TRRAP: variants seen among roughly 807,000 people sequenced by gnomAD.
The protein encoded by TRRAP is transformation/transcription domain-associated protein.
A neutral mutation model predicts 438.8 loss-of-function variants in TRRAP; 41 were observed. The observed-to-expected ratio is 0.09, with a 90% CI of 0.07 to 0.12. The LOEUF (loss-of-function observed/expected upper bound fraction) is 0.12, where lower values mean the gene tolerates loss of function less well. Ranked by LOEUF, TRRAP falls within the 10% of genes least tolerant of loss-of-function variation. The probability of loss-of-function intolerance (pLI) is 1.00; values close to 1 mark genes in which losing one functional copy is unlikely to be tolerated. For missense variants in TRRAP, 3,122 were observed against 5,055.1 expected, an observed-to-expected ratio of 0.62 and a Z score of 11.60; for synonymous variants, 1,994 against 1,962.9, an observed-to-expected ratio of 1.02 and a Z score of -0.42.
chr7:98,905,525 G>A (rs1796687978), intron 12 of TRRAP, among the ~76,000 whole-genome samples: 1 of 152,166 alleles, frequency 6.6e-6, no homozygotes, highest in African/African-American at 2.4e-5. Context: ...AGCCTGAATT[G>A]TCCCTGAGTG....
At chr7:98,881,903 A>G in intron 2 of TRRAP, 72 bp from the exon 3 acceptor site, 15 of 1,532,724 alleles carry the variant, frequency 9.8e-6, no homozygotes, top group Non-Finnish European at 1.2e-5. Flanking sequence ...AAATTACTAA[A>G]TCCAAGTTTT....
intron 20 of TRRAP, among the ~76,000 whole-genome samples, chr7:98,920,525 T>C (rs1364794042): frequency 1.3e-5 from 2 of 152,090 alleles, no homozygotes; most frequent in Non-Finnish European, 2.9e-5. Flanking sequence ...TAGTAATTTT[T>C]AGGACCTCTG....
At chr7:98,991,995 G>A in intron 64 of TRRAP, 142 bp from the exon 65 acceptor site, 2 of 852,656 alleles carry the variant, frequency 2.3e-6, no homozygotes, top group Non-Finnish European at 3.9e-6. Flanking sequence ...CGTCAGATCA[G>A]TGCTGCAGTA....
chr7:98,884,410 T>C (rs1795596886), intron 3 of TRRAP, among the ~76,000 whole-genome samples: 1 of 151,994 alleles, frequency 6.6e-6, no homozygotes, highest in South Asian at 2.1e-4. Context: ...AATTTTTGTA[T>C]TTTTAGTAGA....
intron 67 of TRRAP, among the ~76,000 whole-genome samples, chr7:98,997,700 A>C (rs1793735151): frequency 6.6e-6 from 1 of 152,176 alleles, no homozygotes; most frequent in Non-Finnish European, 1.5e-5. Flanking sequence ...TGTTGCTGGA[A>C]TTAATATTAA....
intron 67 of TRRAP, among the ~76,000 whole-genome samples, chr7:98,998,309 A>G (rs778255400): frequency 3.3e-5 from 5 of 152,214 alleles, no homozygotes; most frequent in Non-Finnish European, 7.3e-5. Context: ...AATATTCTGT[A>G]GCTTCATTTT....
intron 58 of TRRAP, among the ~76,000 whole-genome samples, 166 bp from the exon 59 acceptor site, chr7:98,981,601 CTG>C (rs149232008): frequency 2.0e-4 from 30 of 152,324 alleles, no homozygotes; most frequent in Non-Finnish European, 4.0e-4. Flanking sequence ...CCAGAAAAGA[CTG>C]TGTAAACGCA....
At chr7:98,937,580 G>A in intron 29 of TRRAP, 70 bp from the exon 30 acceptor site, 2 of 1,451,884 alleles carry the variant, frequency 1.4e-6, no homozygotes, top group Non-Finnish European at 1.8e-6. Flanking sequence ...TAAGGTTGAA[G>A]ATGAGTTCTG....
rs1268861363 is a variant in TRRAP, at chr7:98,948,795, T to G, written c.4788+110T>G. The G allele has an allele frequency of 1.3e-6, 2 of 1,537,272 alleles. No individual in the cohort carries two copies. The highest frequency in any genetic ancestry group is 2.7e-5 in the African/African-American group (2 of 73,020). On this transcript the variant is annotated intron_variant, in intron 35 of 72. Coordinates refer to ENST00000456197, the MANE Select transcript of TRRAP (RefSeq NM_001375524.1). This position sits in a 1 kb window ranked among gnomAD's most constrained non-coding sequence, Gnocchi z 4.9. ...CTATTCAGTGTCCTGGCTGCTTTTTTTTCAGATCCATTTGAATATTGGAAA... is the reference window on the plus strand; with the variant it reads ...CTATTCAGTGTCCTGGCTGCTTTTTGTTCAGATCCATTTGAATATTGGAAA...
intron 41 of TRRAP, 52 bp downstream of exon 41, chr7:98,955,356 T>G: frequency 1.3e-6 from 2 of 1,530,584 alleles, no homozygotes; most frequent in Non-Finnish European, 1.8e-6. Flanking sequence ...GGCATTCACT[T>G]TGAACCTTTA....
At chr7:98,978,074 A>G (rs553831935) in intron 56 of TRRAP, 137 bp from the exon 57 acceptor site, 1 of 745,806 alleles carries the variant, frequency 1.3e-6, no homozygotes, top group East Asian at 2.7e-5. Flanking sequence ...GAGCCTAGGA[A>G]TTAAGAGTTT....
chr7:98,984,821 T>C, intron 61 of TRRAP, 123 bp from the exon 62 acceptor site: 1 of 560,352 alleles, frequency 1.8e-6, no homozygotes, highest in Non-Finnish European at 3.1e-6. Flanking sequence ...GCAAATCTTT[T>C]GTCAATTTAA....
rs1791780921 is a variant in TRRAP at position 98,959,433 on chromosome 7, C to T, written c.6432C>T (p.Asp2144=). The stretch of plus-strand genomic sequence containing the variant: ...TTCTGAAGACTGCGTTGCGGCCAGA[C>T]ATGTGGCCCAAGTCCGAACTCAAGC... ...VNLLKTALRP[D]MWPKSELKLQ... is the part of the protein sequence containing the mutation. Residue 2144 remains aspartate (D), a synonymous_variant, in exon 45 of 73, where the codon GAC becomes GAT. Transcript: ENST00000456197. 5 of 1,613,908 alleles carry T rather than the reference C, an allele frequency of 3.1e-6. No individual in the cohort carries two copies. Among genetic ancestry groups the T allele is most frequent in the Non-Finnish European group, 3.4e-6 (4 of 1,180,014 alleles).
chr7:98,981,740 C>T lies in TRRAP; in HGVS notation c.8635-29C>T, dbSNP rs182325234. 411 of 1,581,088 alleles carry T rather than the reference C, an allele frequency of 2.6e-4. No homozygotes were observed. The African/African-American group carries it at 4.1e-3, about 16-fold the overall frequency. ...ACACTGAGGGAAAGAAGGCCCCTCA[C>T]GTCCTGTGTCACGTTCTTTCACTGC... On this transcript the variant is annotated intron_variant, in intron 58 of 72. Coordinates refer to ENST00000456197, the MANE Select transcript of TRRAP (RefSeq NM_001375524.1).
Position 98,969,241 on chromosome 7 carries a change from C to G in TRRAP, c.7513-871C>G, listed in dbSNP as rs1410516930. 2.6e-5 allele frequency among the ~76,000 whole-genome samples: 4 copies of G among 152,238 alleles called. No homozygotes were observed. In the East Asian group the frequency reaches 7.7e-4, roughly 29 times the overall value. ...AAATCCAGCCTCCAGGCTATGGTCC[C>G]CATAGCCTCTCTCTGCCAGGTGACT... On this transcript the variant is annotated intron_variant, in intron 51 of 72. Coordinates refer to ENST00000456197, the MANE Select transcript of TRRAP (RefSeq NM_001375524.1).
chr7:98,945,408 T>C (rs1791003539), intron 31 of TRRAP, among the ~76,000 whole-genome samples: 1 of 152,298 alleles, frequency 6.6e-6, no homozygotes, highest in East Asian at 1.9e-4. Context: ...CATATAAAAT[T>C]TGTTCACTCT....
In TRRAP at chr7:99,005,862, G is replaced by A. The variant is rs762591956; in HGVS notation, c.10753+514G>A. Among the ~76,000 whole-genome samples, 3 of 151,950 alleles carry A rather than the reference G, an allele frequency of 2.0e-5. No individual in the cohort carries two copies. The highest frequency in any genetic ancestry group is 1.9e-4 in the East Asian group (1 of 5,168). On this transcript the variant is annotated intron_variant, in intron 69 of 72. Coordinates refer to ENST00000456197, the MANE Select transcript of TRRAP (RefSeq NM_001375524.1). The surrounding 1 kb of genome is among the most constrained non-coding windows in gnomAD (Gnocchi z 5.1). ...CTGGGGCGTCTCAGTGGGTGCTGCC[G>A]GTTTTGCTTCTCCTCCCGGGAACCC...
intron 67 of TRRAP, among the ~76,000 whole-genome samples, chr7:99,003,882 G>A (rs1794047672): frequency 6.6e-6 from 1 of 152,160 alleles, no homozygotes; most frequent in African/African-American, 2.4e-5. Flanking sequence ...TGGCCAACAT[G>A]GTGAAACCCT....
chr7:98,914,353 C>A (rs1232231240), intron 18 of TRRAP, among the ~76,000 whole-genome samples: 1 of 152,088 alleles, frequency 6.6e-6, no homozygotes, highest in Non-Finnish European at 1.5e-5. Context: ...CAGTGCACTT[C>A]AGCTTAGGTG....
Sources: allele counts gnomAD v4.1 joint callset (sites outside exome capture counted in the v4.1 genomes callset), GRCh38; gene constraint gnomAD v4.1.1; non-coding constraint Gnocchi (gnomAD v3.1); transcripts MANE v1.5; gene names NCBI Gene and HGNC (gene_info 2026-07-23, HGNC 2026-07-21).